Variants in PITRM1 observed in about 807,000 individuals in gnomAD.
The protein encoded by PITRM1 is presequence protease, mitochondrial.
A neutral mutation model predicts 129.9 loss-of-function variants in PITRM1; 100 were observed. The observed-to-expected ratio is 0.77, with a 90% CI of 0.65 to 0.91. The LOEUF (loss-of-function observed/expected upper bound fraction) is 0.91. PITRM1 is among the 40% of genes least tolerant of loss of function. The pLI is 0.00. For missense variants in PITRM1, 1,471 were observed against 1,318.3 expected, an observed-to-expected ratio of 1.12 and a Z score of -1.79; for synonymous variants, 591 against 508.8, an observed-to-expected ratio of 1.16 and a Z score of -2.17.
At chr10:3,167,153 C>G (rs1158670391) in intron 2 of PITRM1, 111 bp from the exon 3 acceptor site, 1 of 634,230 alleles carries the variant, frequency 1.6e-6, no homozygotes, top group African/African-American at 1.8e-5. Context: ...TTAGATGATG[C>G]CGGGAAGGCA....
intron 25 of PITRM1, 147 bp downstream of exon 25, chr10:3,138,757 A>C (rs1366221061): frequency 8.4e-6 from 7 of 832,412 alleles, no homozygotes; most frequent in Non-Finnish European, 1.5e-5. Flanking sequence ...AAGCGTGTTT[A>C]GGGTGTCAGA....
intron 23 of PITRM1, chr10:3,141,387 G>A (rs755122642): frequency 1.5e-5 from 3 of 203,068 alleles, no homozygotes; most frequent in East Asian, 1.4e-4. Context: ...TTAAAATCTC[G>A]TGAAGTAGAA....
At chr10:3,163,659 C>G (rs6602034) in intron 7 of PITRM1, 66 bp downstream of exon 7, 928,030 of 1,297,808 alleles carry the variant, frequency 0.72, 333,210 homozygotes, top group East Asian at 0.75. Context: ...ATGCCATAAA[C>G]TGTTAAGAAC....
In PITRM1 at chr10:3,147,219, G is replaced by A; in HGVS notation, c.2267C>T (p.Thr756Ile). The change falls in exon 20 of 27, where the codon ACA becomes ATA. Residue 756 changes from threonine to isoleucine, a missense_variant. Thr to Ile is a moderately conservative substitution (Grantham distance 89, BLOSUM62 -1). Coordinates refer to ENST00000224949, the MANE Select transcript of PITRM1 (RefSeq NM_014889.4). ...CTTCCTCAGGATGGGTTTGATATCT[G>A]TCATTTCTGCAATCCTCTTCATCAG... ...VRLMKRIAEMTDIKPILRKLP... is the reference protein window; with the variant it reads ...VRLMKRIAEMIDIKPILRKLP... 6.2e-7 allele frequency: 1 copy of A among 1,612,750 alleles called. No individual in the cohort carries two copies. The highest frequency in any genetic ancestry group is 8.5e-7 in the Non-Finnish European group (1 of 1,178,820).
Position 3,158,138 on chromosome 10 carries a change from C to G in PITRM1, c.1152G>C (p.Thr384=). The G allele has an allele frequency of 6.3e-7, 1 of 1,595,496 alleles. No individual in the cohort carries two copies. The highest frequency in any genetic ancestry group is 8.6e-7 in the Non-Finnish European group (1 of 1,165,552). ...FSPDVGYNGY[T]REAYFSVGLQ... is the part of the protein sequence containing the mutation. ...GGCCGACACTAAAGTAGGCCTCCCTCGTGTAGCCATTATATCTAGAAGACA... is the reference window on the plus strand; with the variant it reads ...GGCCGACACTAAAGTAGGCCTCCCTGGTGTAGCCATTATATCTAGAAGACA... Residue 384 remains threonine (T), a synonymous_variant, in exon 11 of 27, where the codon ACG becomes ACC. Transcript: ENST00000224949.
At chr10:3,172,786 C>A (rs1295049870), upstream of PITRM1, 1 of 1,524,294 alleles carries the variant, frequency 6.6e-7, no homozygotes, top group East Asian at 2.5e-5. Flanking sequence ...GCATGACGAG[C>A]ACCTGGCTGG....
In PITRM1 at chr10:3,172,755, C is replaced by T. The variant is rs751838757; in HGVS notation, c.18G>A (p.Gly6=). ...GCCTCAGCACACACAGGCCCTGCCGCCCGCCGCAGCGCCACATTGCGCATG... is the reference window on the plus strand; with the variant it reads ...GCCTCAGCACACACAGGCCCTGCCGTCCGCCGCAGCGCCACATTGCGCATG... MWRCG[G]RQGLCVLRRL... is the part of the protein sequence containing the mutation. The change falls in exon 1 of 27, where the codon GGG becomes GGA. Residue 6 remains glycine (G), a synonymous_variant. Coordinates refer to ENST00000224949, the MANE Select transcript of PITRM1 (RefSeq NM_014889.4). The T allele has an allele frequency of 6.5e-7, 1 of 1,546,460 alleles. No individual in the cohort carries two copies. The highest frequency in any genetic ancestry group is 8.7e-7 in the Non-Finnish European group (1 of 1,145,450).
At chr10:3,166,530 T>C (rs553133694) in intron 3 of PITRM1, 150 bp from the exon 4 acceptor site, 23 of 532,250 alleles carry the variant, frequency 4.3e-5, no homozygotes, top group South Asian at 1.5e-4. Flanking sequence ...ATGTAAATCA[T>C]TGACTCAGAC....
In PITRM1 at chr10:3,160,201, C is replaced by A; in HGVS notation, c.918+3G>T. On this transcript the variant is annotated splice_donor_region_variant and intron_variant, in intron 8 of 26. Coordinates refer to ENST00000224949, the MANE Select transcript of PITRM1 (RefSeq NM_014889.4). Reference sequence around the variant, plus strand: ...AAGGACACAAACACGGTGGGGCACTCACAGGCTTGTCCCAGGGTGTCTGAG... The same window carrying A: ...AAGGACACAAACACGGTGGGGCACTAACAGGCTTGTCCCAGGGTGTCTGAG... 6.2e-7 allele frequency: 1 copy of A among 1,613,742 alleles called. No individual in the cohort carries two copies. Among genetic ancestry groups the A allele is most frequent in the South Asian group, 1.1e-5 (1 of 91,022 alleles).
Position 3,165,713 on chromosome 10 carries a change from C to A in PITRM1, c.419-186G>T, listed in dbSNP as rs567599615. 2.0e-5 allele frequency among the ~76,000 whole-genome samples: 3 copies of A among 152,334 alleles called. No homozygotes were observed. In the South Asian group the frequency reaches 6.2e-4, roughly 32 times the overall value. On this transcript the variant is annotated intron_variant, in intron 4 of 26. Coordinates refer to ENST00000224949, the MANE Select transcript of PITRM1 (RefSeq NM_014889.4). ...CCCAGCTCATAACCCCAAGTGCCGG[C>A]TTTCCCATCCCGTCTCAGGATCTGC...
At chr10:3,171,337 T>TAA (rs1333250888) in intron 1 of PITRM1, among the ~76,000 whole-genome samples, 1 of 5,552 alleles carries the variant, frequency 1.8e-4, no homozygotes, top group African/African-American at 8.6e-4. Context: ...TGGTAAAATA[T>TAA]TAAAAAAAAA....
At position 3,165,247 on chromosome 10, in the gene PITRM1, C is replaced by T; in HGVS notation, c.621G>A (p.Lys207=). The T allele has an allele frequency of 6.4e-7, 1 of 1,566,286 alleles. No homozygotes were observed. Among genetic ancestry groups the T allele is most frequent in the Non-Finnish European group, 8.6e-7 (1 of 1,156,874 alleles). Residue 207 remains lysine, a synonymous_variant, in exon 6 of 27, where the codon AAG becomes AAA. Transcript: ENST00000224949. The part of the protein sequence containing the change: ...VFKGVVFNEM[K]GAFTDNERIF... ...AAGGAAGAAAACTTACAAACGCTCC[C>T]TTCATCTCATTAAAGACGACTCCTT...
intron 14 of PITRM1, among the ~76,000 whole-genome samples, chr10:3,153,340 A>G (rs930533385): frequency 6.6e-6 from 1 of 152,270 alleles, no homozygotes; most frequent in African/African-American, 2.4e-5. Flanking sequence ...GTAGTCATGA[A>G]TAATTTCAAT....
rs58526614 is a variant in PITRM1 at position 3,144,579 on chromosome 10, G to A, written c.2458-213C>T. ...AGCACTTTGGAGGCTGAGGTGGGAG[G>A]ATTGCTTGGGTCCAGGAGTCTGAGA... On this transcript the variant is annotated intron_variant, in intron 21 of 26. Coordinates refer to ENST00000224949, the MANE Select transcript of PITRM1 (RefSeq NM_014889.4). Among the ~76,000 whole-genome samples, 1,261 of 152,314 alleles carry A rather than the reference G, an allele frequency of 8.3e-3. 12 individuals are homozygous for A. The highest frequency in any genetic ancestry group is 0.029 in the African/African-American group (1,192 of 41,560).
intron 1 of PITRM1, 84 bp from the exon 2 acceptor site, chr10:3,170,290 C>T: frequency 1.1e-6 from 1 of 927,308 alleles, no homozygotes; most frequent in Non-Finnish European, 1.7e-6. Context: ...AAAATACTCT[C>T]ATGTAATAAA....
At position 3,167,038 on chromosome 10, in the gene PITRM1, G is replaced by A. The variant is rs1212084550; in HGVS notation, c.164C>T (p.Thr55Ile). The A allele has an allele frequency of 2.1e-5, 33 of 1,594,568 alleles. No individual in the cohort carries two copies. The highest frequency in any genetic ancestry group is 4.0e-5 in the African/African-American group (3 of 74,620). Residue 55 changes from threonine to isoleucine, a missense_variant, in exon 3 of 27, where the codon ACA (threonine) becomes ATA (isoleucine). Physicochemically the swap from Thr to Ile is moderately conservative, Grantham distance 89. Coordinates refer to ENST00000224949, the MANE Select transcript of PITRM1 (RefSeq NM_014889.4). The part of the protein sequence containing the change: ...KIHGFTVNQV[T>I]SVPELFLTAV... ...AGTCAGGAACAGCTCGGGAACAGAT[G>A]TCACCTGAGTTAACAAGAAAAACAC...
chr10:3,166,768 CTTTA>C (rs1016663594), intron 3 of PITRM1, among the ~76,000 whole-genome samples, 164 bp downstream of exon 3: 10 of 152,130 alleles, frequency 6.6e-5, no homozygotes, highest in Admixed American at 3.9e-4. Context: ...TTGAGGGGTC[CTTTA>C]TTTATTATTT....
chr10:3,159,536 G>A (rs755972700), intron 9 of PITRM1, among the ~76,000 whole-genome samples: 1 of 152,158 alleles, frequency 6.6e-6, no homozygotes, highest in South Asian at 2.1e-4. Flanking sequence ...ACACTCAAAG[G>A]GACCTGTGAC....
chr10:3,140,851 A>C, intron 23 of PITRM1, 39 bp from the exon 24 acceptor site: 1 of 1,487,304 alleles, frequency 6.7e-7, no homozygotes, highest in African/African-American at 1.4e-5. Flanking sequence ...ACCGTGGCTG[A>C]TAAAAAAGCA....
Sources: allele counts gnomAD v4.1 joint callset (sites outside exome capture counted in the v4.1 genomes callset), GRCh38; gene constraint gnomAD v4.1.1; transcripts MANE v1.5; gene names NCBI Gene and HGNC (gene_info 2026-07-23, HGNC 2026-07-21).